The following COL4A2 variants were observed in gnomAD, a reference collection of about 807,000 sequenced individuals.
The protein encoded by COL4A2 is collagen alpha-2(IV) chain.
Under a neutral mutation model 200.2 loss-of-function variants are expected in COL4A2, and 99 were observed. The observed-to-expected ratio is 0.49, with a 90% CI of 0.42 to 0.58. The LOEUF (loss-of-function observed/expected upper bound fraction) is 0.58. Ranked by LOEUF, COL4A2 falls within the 20% of genes least tolerant of loss-of-function variation. The pLI is 0.00. For synonymous variants in COL4A2, 897 were observed against 900.6 expected, an observed-to-expected ratio of 1.00 and a Z score of 0.07; for missense variants, 1,950 against 2,314.1, an observed-to-expected ratio of 0.84 and a Z score of 3.23.
chr13:110,493,858 G>C (rs551951042), intron 39 of COL4A2, among the ~76,000 whole-genome samples: 28 of 152,094 alleles, frequency 1.8e-4, no homozygotes, highest in Non-Finnish European at 4.0e-4. Flanking sequence ...GTGTCCTCAC[G>C]AGGGAGAGCA....
intron 3 of COL4A2, among the ~76,000 whole-genome samples, chr13:110,357,242 G>A (rs1238554015): frequency 2.6e-5 from 4 of 152,086 alleles, no homozygotes; most frequent in Non-Finnish European, 5.9e-5. Flanking sequence ...GGGGATTTCA[G>A]GGGTGGGAGA....
intron 4 of COL4A2, among the ~76,000 whole-genome samples, chr13:110,421,622 T>C (rs1192910437): frequency 6.6e-6 from 1 of 152,138 alleles, no homozygotes; most frequent in Non-Finnish European, 1.5e-5. Context: ...GTGAGGAAAA[T>C]GTTTGGGAAC....
intron 3 of COL4A2, 52 bp downstream of exon 3, chr13:110,308,175 G>C: frequency 6.2e-7 from 1 of 1,603,520 alleles, no homozygotes; most frequent in Non-Finnish European, 8.5e-7. Context: ...TGGTTGGGAC[G>C]TTTGAGTGGC....
At chr13:110,424,922 C>T in intron 5 of COL4A2, 31 bp from the exon 6 acceptor site, 1 of 1,614,154 alleles carries the variant, frequency 6.2e-7, no homozygotes, top group Non-Finnish European at 8.5e-7. Flanking sequence ...GGTATCTCAG[C>T]CTTGGTTAAT....
rs147614746 is a variant in COL4A2, at chr13:110,346,361, C to T, written c.100-11111C>T. ...TCTAAATTGCAATGAAAATCTTCAG[C>T]GGTCTTAGCCGTTGATCCCGTGGTC... On this transcript the variant is annotated intron_variant, in intron 3 of 47. Coordinates refer to ENST00000360467, the MANE Select transcript of COL4A2 (RefSeq NM_001846.4). 3.5e-4 allele frequency among the ~76,000 whole-genome samples: 54 copies of T among 152,224 alleles called. 1 individual carries two copies. In the South Asian group the frequency reaches 9.6e-3, roughly 27 times the overall value.
chr13:110,432,314 T>C lies in COL4A2; in HGVS notation c.649-11T>C, dbSNP rs1880712564. 1 of 1,604,748 alleles carries C rather than the reference T, an allele frequency of 6.2e-7. No homozygotes were observed. Among genetic ancestry groups the C allele is most frequent in the South Asian group, 1.1e-5 (1 of 88,982 alleles). On this transcript the variant is annotated splice_polypyrimidine_tract_variant and intron_variant, in intron 10 of 47. Transcript: ENST00000360467. ...AGAAAACCATTTACACATTTCTTTG[T>C]ATTTGTACAGGGACCACCTGGACCC...
chr13:110,493,671 C>T (rs1176299930), intron 39 of COL4A2, among the ~76,000 whole-genome samples: 1 of 152,176 alleles, frequency 6.6e-6, no homozygotes, highest in Non-Finnish European at 1.5e-5. Flanking sequence ...CCTAAGGAAG[C>T]CAGCGGTTTC....
intron 4 of COL4A2, among the ~76,000 whole-genome samples, chr13:110,384,109 A>G (rs1424863708): frequency 6.6e-6 from 1 of 152,226 alleles, no homozygotes; most frequent in Non-Finnish European, 1.5e-5. Context: ...AAAGAGTGGT[A>G]GTGTGTTTAG....
rs1883417511 is a variant in COL4A2, at chr13:110,495,235, C to A, written c.3635-107C>A. The A allele has an allele frequency of 3.0e-6, 4 of 1,314,654 alleles. No individual in the cohort carries two copies. In the South Asian group the frequency reaches 3.6e-5, roughly 12 times the overall value. 81.4% of individuals were successfully genotyped at this position (1,314,654 alleles called of 1,614,324 possible). A position where few individuals can be genotyped will look rare whatever the true frequency, so the allele number is the denominator to read the frequency against. On this transcript the variant is annotated intron_variant, in intron 39 of 47. Transcript: ENST00000360467. ...ATGCAAGCTGAAATCACCATGGCTGCCTCTGTTTCTTTGCTTTTGAGGCAC... is the reference window on the plus strand; with the variant it reads ...ATGCAAGCTGAAATCACCATGGCTGACTCTGTTTCTTTGCTTTTGAGGCAC...
chr13:110,488,887 T>G (rs1478960697), intron 34 of COL4A2, among the ~76,000 whole-genome samples: 1 of 152,164 alleles, frequency 6.6e-6, no homozygotes, highest in African/African-American at 2.4e-5. Context: ...ATGCTCTTCA[T>G]TATGATGCAG....
chr13:110,425,063 T>G, intron 6 of COL4A2, 66 bp downstream of exon 6: 1 of 1,593,222 alleles, frequency 6.3e-7, no homozygotes, highest in African/African-American at 1.3e-5. Context: ...ATTTTGTGAC[T>G]TAAAGAAACA....
At chr13:110,319,105 G>C (rs920114243) in intron 3 of COL4A2, among the ~76,000 whole-genome samples, 3 of 151,700 alleles carry the variant, frequency 2.0e-5, no homozygotes, top group Admixed American at 1.3e-4. Context: ...CAGCAGGACT[G>C]GTGGGTGCGG....
chr13:110,503,445 G>A lies in COL4A2; in HGVS notation c.4102G>A (p.Gly1368Ser). ...TGPTGAVGDRGPKGPKGDPGF... is the reference protein window; with the variant it reads ...TGPTGAVGDRSPKGPKGDPGF... Reference sequence around the variant, plus strand: ...ACCCACTGGGGCGGTGGGCGACAGAGGCCCCAAGGGACCCAAGGGAGACCC... The same window carrying A: ...ACCCACTGGGGCGGTGGGCGACAGAAGCCCCAAGGGACCCAAGGGAGACCC... The change falls in exon 43 of 48, where the codon GGC (glycine) becomes AGC (serine). Residue 1368 changes from glycine (G) to serine (S), a missense_variant. This residue lies in a region of COL4A2 where 1,385 missense variants were observed against 1,720.5 expected (regional missense o/e 0.80). Coordinates refer to ENST00000360467, the MANE Select transcript of COL4A2 (RefSeq NM_001846.4). 6.3e-7 allele frequency: 1 copy of A among 1,583,370 alleles called. No homozygotes were observed. Among genetic ancestry groups the A allele is most frequent in the South Asian group, 1.1e-5 (1 of 87,280 alleles).
intron 4 of COL4A2, among the ~76,000 whole-genome samples, chr13:110,413,780 C>T (rs1418807632): frequency 2.0e-4 from 31 of 152,182 alleles, no homozygotes. Flanking sequence ...GAGACATGAG[C>T]CAGCAGTGCT....
intron 10 of COL4A2, 29 bp from the exon 11 acceptor site, chr13:110,432,296 C>T: frequency 6.3e-7 from 1 of 1,594,906 alleles, no homozygotes; most frequent in Non-Finnish European, 8.5e-7. Context: ...TAAAGAAAAC[C>T]ATTTACACAT....
intron 16 of COL4A2, among the ~76,000 whole-genome samples, chr13:110,444,798 AC>A (rs1312675778): frequency 6.6e-6 from 1 of 152,224 alleles, no homozygotes; most frequent in African/African-American, 2.4e-5. Flanking sequence ...TCAATGATAA[AC>A]TTTTTCTTTC....
intron 17 of COL4A2, 40 bp downstream of exon 17, chr13:110,445,922 C>T (rs745666068): frequency 1.9e-6 from 3 of 1,611,428 alleles, no homozygotes; most frequent in South Asian, 1.1e-5. Context: ...TATGGTGTCT[C>T]GCCCACCCTG....
intron 3 of COL4A2, among the ~76,000 whole-genome samples, chr13:110,317,282 GCACA>G (rs763814866): frequency 6.7e-6 from 1 of 150,032 alleles, no homozygotes; most frequent in East Asian, 2.0e-4. Flanking sequence ...ACACACAGAT[GCACA>G]CACACACGCA....
chr13:110,384,656 C>A (rs973457810), intron 4 of COL4A2, among the ~76,000 whole-genome samples: 2 of 152,218 alleles, frequency 1.3e-5, no homozygotes, highest in African/African-American at 4.8e-5. Flanking sequence ...AAGCCCACAC[C>A]CAATGTCACC....
Sources: gnomAD v4.1 joint callset for allele counts (sites outside exome capture counted in the v4.1 genomes callset) on GRCh38, gnomAD v4.1.1 for gene constraint, gnomAD v4.1.1 regional missense constraint, MANE v1.5 for transcripts, NCBI Gene and HGNC (gene_info 2026-07-23, HGNC 2026-07-21) for gene names.